The following MYO1D variants were observed in gnomAD, a reference collection of about 807,000 sequenced individuals.
MYO1D encodes unconventional myosin-Id.
In MYO1D, 83 loss-of-function variants were observed where a neutral mutation model predicts 122.0. The observed-to-expected ratio is 0.68, with a 90% CI of 0.57 to 0.82. The LOEUF (loss-of-function observed/expected upper bound fraction) is 0.82. Among genes scored for constraint, MYO1D ranks in the 40% least tolerant of loss-of-function variants. The pLI, the probability that MYO1D is intolerant of heterozygous loss-of-function variation, is 0.00. For missense variants in MYO1D, 1,157 were observed against 1,269.5 expected, an observed-to-expected ratio of 0.91 and a Z score of 1.35; for synonymous variants, 464 against 446.9, an observed-to-expected ratio of 1.04 and a Z score of -0.48.
At chr17:32,629,225 G>A (rs897894763) in intron 20 of MYO1D, among the ~76,000 whole-genome samples, 1 of 152,162 alleles carries the variant, frequency 6.6e-6, no homozygotes, top group Non-Finnish European at 1.5e-5. Flanking sequence ...AGGGGAAAGA[G>A]GGAAAGGAAT....
intron 1 of MYO1D, among the ~76,000 whole-genome samples, chr17:32,845,601 C>G (rs2466833): frequency 6.6e-6 from 1 of 152,308 alleles, no homozygotes; most frequent in South Asian, 2.1e-4. Flanking sequence ...AGGTTCTTGA[C>G]TTGGGGAGTG....
At chr17:32,591,588 C>T (rs2087438990) in intron 21 of MYO1D, among the ~76,000 whole-genome samples, 1 of 151,990 alleles carries the variant, frequency 6.6e-6, no homozygotes, top group Non-Finnish European at 1.5e-5. Context: ...TCCCGCCTTT[C>T]TTCACTGGGG....
chr17:32,671,526 A>T (rs2088721458), intron 16 of MYO1D, among the ~76,000 whole-genome samples: 1 of 152,236 alleles, frequency 6.6e-6, no homozygotes, highest in Admixed American at 6.5e-5. Context: ...AAAATAAAAC[A>T]ACAGGTATCT....
intron 16 of MYO1D, among the ~76,000 whole-genome samples, chr17:32,690,844 C>A (rs188846486): frequency 6.6e-6 from 1 of 152,238 alleles, no homozygotes; most frequent in East Asian, 1.9e-4. Context: ...TATAAATTAC[C>A]CAGCCACAGG....
At chr17:32,535,433 C>T (rs1003525980) in intron 21 of MYO1D, among the ~76,000 whole-genome samples, 13 of 152,186 alleles carry the variant, frequency 8.5e-5, no homozygotes, top group African/African-American at 3.1e-4. Context: ...AGATTCAATA[C>T]ATTTGAAGAG....
chr17:32,655,339 T>C (rs1420121124), intron 17 of MYO1D, among the ~76,000 whole-genome samples: 1 of 152,208 alleles, frequency 6.6e-6, no homozygotes, highest in African/African-American at 2.4e-5. Flanking sequence ...GCTTGTCTTC[T>C]GGAGAGAAGT....
intron 1 of MYO1D, among the ~76,000 whole-genome samples, chr17:32,874,885 T>C (rs951642373): frequency 7.2e-5 from 11 of 151,820 alleles, no homozygotes; most frequent in African/African-American, 2.2e-4. Flanking sequence ...GACTTAATGC[T>C]TTAAAAAAAA....
Position 32,590,672 on chromosome 17 carries a change from C to A in MYO1D, c.2864+14415G>T, listed in dbSNP as rs141734472. On this transcript the variant is annotated intron_variant, in intron 21 of 21. Transcript: ENST00000318217. ...ACTGAGTATATTATGCTTATATAAA[C>A]TCCTGATTCCAATATAGCTGCTAAG... is the stretch of plus-strand genomic sequence containing the variant. Among the ~76,000 whole-genome samples, 303 of 152,308 alleles carry A rather than the reference C, an allele frequency of 2.0e-3. 1 individual carries two copies. Among genetic ancestry groups the A allele is most frequent in the African/African-American group, 7.0e-3 (291 of 41,564 alleles).
At chr17:32,617,866 A>T (rs894574986) in intron 20 of MYO1D, among the ~76,000 whole-genome samples, 6 of 152,260 alleles carry the variant, frequency 3.9e-5, no homozygotes, top group Admixed American at 2.0e-4. Flanking sequence ...TTATAAACAG[A>T]CAGTCACTTT....
chr17:32,807,338 T>C (rs1275132505), intron 1 of MYO1D, among the ~76,000 whole-genome samples: 2 of 152,096 alleles, frequency 1.3e-5, no homozygotes, highest in Non-Finnish European at 2.9e-5. Flanking sequence ...TCCATAAAAC[T>C]TTATGTTCCT....
intron 21 of MYO1D, among the ~76,000 whole-genome samples, chr17:32,524,506 T>G (rs571132440): frequency 1.3e-5 from 2 of 151,896 alleles, no homozygotes; most frequent in Admixed American, 1.3e-4. Flanking sequence ...AATCCTCCTG[T>G]GTCAGCCTCC....
chr17:32,800,326 AAT>A (rs933347172), intron 1 of MYO1D, among the ~76,000 whole-genome samples: 6 of 152,002 alleles, frequency 3.9e-5, no homozygotes, highest in African/African-American at 1.4e-4. Flanking sequence ...TAAAATGCGA[AAT>A]ATATATATAT....
At chr17:32,723,273 T>C (rs1048111326) in intron 14 of MYO1D, among the ~76,000 whole-genome samples, 1 of 152,204 alleles carries the variant, frequency 6.6e-6, no homozygotes, top group Non-Finnish European at 1.5e-5. Flanking sequence ...GGACCTCACT[T>C]GCAGCTGGTG....
chr17:32,853,548 C>G (rs1350382977), intron 1 of MYO1D, among the ~76,000 whole-genome samples: 2 of 152,212 alleles, frequency 1.3e-5, no homozygotes, highest in African/African-American at 2.4e-5. Flanking sequence ...CCATCCATAT[C>G]TCCATCACAG....
chr17:32,552,467 T>A (rs1242132468), intron 21 of MYO1D, among the ~76,000 whole-genome samples: 2 of 152,146 alleles, frequency 1.3e-5, no homozygotes, highest in African/African-American at 2.4e-5. Flanking sequence ...CATCCATTCA[T>A]CCATCCCTCC....
intron 20 of MYO1D, among the ~76,000 whole-genome samples, chr17:32,624,940 G>A (rs2087907569): frequency 6.6e-6 from 1 of 152,084 alleles, no homozygotes. Context: ...ACAGGCACCT[G>A]CCACTATGTC....
chr17:32,645,298 G>A (rs896507734), intron 19 of MYO1D, among the ~76,000 whole-genome samples: 3 of 152,206 alleles, frequency 2.0e-5, no homozygotes, highest in African/African-American at 7.2e-5. Flanking sequence ...AGTGTGATGG[G>A]CTTCCCTTTG....
chr17:32,798,048 G>A (rs1020467998), intron 1 of MYO1D, among the ~76,000 whole-genome samples: 1 of 152,160 alleles, frequency 6.6e-6, no homozygotes, highest in African/African-American at 2.4e-5. Context: ...GGAGAAATCT[G>A]AATTACAAAG....
At chr17:32,680,744 A>G (rs2088902044) in intron 16 of MYO1D, among the ~76,000 whole-genome samples, 1 of 152,208 alleles carries the variant, frequency 6.6e-6, no homozygotes, top group African/African-American at 2.4e-5. Flanking sequence ...TGTCTCTGGT[A>G]TCAGAATGAT....
Sources: allele counts gnomAD v4.1 joint callset (sites outside exome capture counted in the v4.1 genomes callset), GRCh38; gene constraint gnomAD v4.1.1; transcripts MANE v1.5; gene names NCBI Gene and HGNC (gene_info 2026-07-23, HGNC 2026-07-21).